The following GABBR2 variants were observed in gnomAD, a reference collection of about 807,000 sequenced individuals.
The protein encoded by GABBR2 is G-protein coupled receptor 51.
Under a neutral mutation model 105.6 loss-of-function variants are expected in GABBR2, and 23 were observed. The ratio of observed to expected loss-of-function variants is 0.22; its 90% confidence interval spans 0.16 to 0.31. The LOEUF (loss-of-function observed/expected upper bound fraction) is 0.31. GABBR2 is among the 10% of genes least tolerant of loss of function. The pLI, the probability that GABBR2 is intolerant of heterozygous loss-of-function variation, is 1.00. For synonymous variants in GABBR2, 478 were observed against 499.7 expected, an observed-to-expected ratio of 0.96 and a Z score of 0.58; for missense variants, 734 against 1,245.5, an observed-to-expected ratio of 0.59 and a Z score of 6.18.
intron 6 of GABBR2, among the ~76,000 whole-genome samples, chr9:98,460,909 A>T (rs1826414476): frequency 6.6e-6 from 1 of 152,210 alleles, no homozygotes; most frequent in South Asian, 2.1e-4. Flanking sequence ...CTAGAGGAAA[A>T]AAAGATGCAT....
At chr9:98,512,107 G>T (rs1366228971) in intron 3 of GABBR2, among the ~76,000 whole-genome samples, 2 of 151,172 alleles carry the variant, frequency 1.3e-5, no homozygotes, top group Non-Finnish European at 2.9e-5. Flanking sequence ...TTCAACATAT[G>T]AAAATCAATA....
In GABBR2 at chr9:98,566,691, T is replaced by A. The variant is rs577916811; in HGVS notation, c.459+11244A>T. Among the ~76,000 whole-genome samples, 8 of 146,922 alleles carry A rather than the reference T, an allele frequency of 5.4e-5. No homozygotes were observed. In the South Asian group the frequency reaches 8.6e-4, roughly 16 times the overall value. On this transcript the variant is annotated intron_variant, in intron 2 of 18. Coordinates refer to ENST00000259455, the MANE Select transcript of GABBR2 (RefSeq NM_005458.8). ...CTCCGTCTCAAAAAGAAAAAAAAAA[T>A]TTAAATTAGCTGGGCGTGGTAGTAT...
At chr9:98,339,381 C>T (rs2131403648) in intron 13 of GABBR2, among the ~76,000 whole-genome samples, 1 of 152,190 alleles carries the variant, frequency 6.6e-6, no homozygotes, top group South Asian at 2.1e-4. Context: ...GAGCTGGAGT[C>T]TGCCTTGGAA....
chr9:98,417,352 A>G (rs1463679125), intron 7 of GABBR2, among the ~76,000 whole-genome samples: 2 of 152,220 alleles, frequency 1.3e-5, no homozygotes, highest in African/African-American at 2.4e-5. Context: ...CTTGTCACAG[A>G]GGCCTGAAGG....
intron 1 of GABBR2, among the ~76,000 whole-genome samples, chr9:98,647,383 A>G (rs1830039045): frequency 6.6e-6 from 1 of 152,236 alleles, no homozygotes; most frequent in Non-Finnish European, 1.5e-5. Context: ...TCCTCCAGAG[A>G]AAGCCCAGCC....
chr9:98,369,654 G>A (rs745803118), intron 12 of GABBR2, among the ~76,000 whole-genome samples: 1 of 152,184 alleles, frequency 6.6e-6, no homozygotes, highest in Non-Finnish European at 1.5e-5. Flanking sequence ...ACTGGTGCCA[G>A]GTAGCCAGGG....
chr9:98,497,282 A>C (rs1232619853), intron 3 of GABBR2, among the ~76,000 whole-genome samples: 23 of 152,324 alleles, frequency 1.5e-4, no homozygotes. Context: ...AACAAAACAA[A>C]ACAAAAGACA....
At chr9:98,435,157 A>T (rs2131578441) in intron 7 of GABBR2, among the ~76,000 whole-genome samples, 1 of 152,228 alleles carries the variant, frequency 6.6e-6, no homozygotes, top group Non-Finnish European at 1.5e-5. Context: ...CATGAGTGGA[A>T]TGTTTTCCTG....
chr9:98,635,429 T>C (rs1052423444), intron 1 of GABBR2, among the ~76,000 whole-genome samples: 3 of 152,048 alleles, frequency 2.0e-5, no homozygotes, highest in African/African-American at 7.3e-5. Flanking sequence ...CTCAGAGGGC[T>C]AGAGAGGAAT....
At chr9:98,577,417 A>G (rs1016954292) in intron 2 of GABBR2, among the ~76,000 whole-genome samples, 9 of 152,246 alleles carry the variant, frequency 5.9e-5, no homozygotes, top group African/African-American at 2.2e-4. Context: ...ATTGGCAAGG[A>G]GACCAGGAAA....
intron 3 of GABBR2, among the ~76,000 whole-genome samples, 179 bp downstream of exon 3, chr9:98,541,694 A>G (rs1236118163): frequency 1.3e-5 from 2 of 152,268 alleles, no homozygotes; most frequent in African/African-American, 4.8e-5. Context: ...TCCTATGCAC[A>G]GTGAAATTCC....
intron 7 of GABBR2, among the ~76,000 whole-genome samples, chr9:98,424,479 C>T (rs927817791): frequency 4.6e-5 from 7 of 152,104 alleles, no homozygotes; most frequent in Admixed American, 1.3e-4. Context: ...AAGTGCTGGC[C>T]AGGGCAATTA....
intron 1 of GABBR2, among the ~76,000 whole-genome samples, chr9:98,596,148 A>G (rs1829231005): frequency 6.6e-6 from 1 of 152,248 alleles, no homozygotes; most frequent in African/African-American, 2.4e-5. Flanking sequence ...CCCACTTACT[A>G]GCTGAAGGAC....
At chr9:98,653,233 A>C (rs1419492338) in intron 1 of GABBR2, among the ~76,000 whole-genome samples, 1 of 152,202 alleles carries the variant, frequency 6.6e-6, no homozygotes, top group Non-Finnish European at 1.5e-5. Context: ...CCCTGGCCTC[A>C]AGTGATCCTC....
At chr9:98,458,792 G>GT (rs988836709) in intron 6 of GABBR2, among the ~76,000 whole-genome samples, 1 of 152,230 alleles carries the variant, frequency 6.6e-6, no homozygotes, top group Non-Finnish European at 1.5e-5. Flanking sequence ...TTAGGAATCT[G>GT]TATTTTTAAA....
intron 14 of GABBR2, among the ~76,000 whole-genome samples, chr9:98,310,351 C>T (rs994160151): frequency 4.6e-5 from 7 of 151,824 alleles, no homozygotes; most frequent in African/African-American, 1.5e-4. Flanking sequence ...CGGGTTCAAG[C>T]GATTCTCCTG....
At chr9:98,687,150 A>G (rs1830629718) in intron 1 of GABBR2, among the ~76,000 whole-genome samples, 1 of 151,604 alleles carries the variant, frequency 6.6e-6, no homozygotes, top group African/African-American at 2.4e-5. Context: ...TCAGGATGTT[A>G]CTGCAACTGG....
At chr9:98,389,322 G>A (rs1027647758) in intron 9 of GABBR2, among the ~76,000 whole-genome samples, 4 of 152,186 alleles carry the variant, frequency 2.6e-5, no homozygotes, top group Non-Finnish European at 4.4e-5. Flanking sequence ...AGGCAACAAC[G>A]GCCTGGAAGC....
chr9:98,509,417 G>A (rs890529526), intron 3 of GABBR2, among the ~76,000 whole-genome samples: 4 of 152,206 alleles, frequency 2.6e-5, no homozygotes, highest in Non-Finnish European at 5.9e-5. Context: ...AAAGCTGGAT[G>A]GAGAATGACT....
Sources: gnomAD v4.1 joint callset for allele counts (sites outside exome capture counted in the v4.1 genomes callset) on GRCh38, gnomAD v4.1.1 for gene constraint, MANE v1.5 for transcripts, NCBI Gene and HGNC (gene_info 2026-07-23, HGNC 2026-07-21) for gene names.